Variants in CHD9 observed in about 807,000 individuals in gnomAD.
The protein encoded by CHD9 is ATP-dependent chromatin remodeler CHD9.
A neutral mutation model predicts 316.1 loss-of-function variants in CHD9; 77 were observed. The observed-to-expected ratio is 0.24, with a 90% CI of 0.20 to 0.29. The LOEUF is 0.29. Among genes scored for constraint, CHD9 ranks in the 10% least tolerant of loss-of-function variants. The pLI, the probability that CHD9 is intolerant of heterozygous loss-of-function variation, is 1.00. For synonymous variants in CHD9, 1,129 were observed against 1,158.3 expected, an observed-to-expected ratio of 0.97 and a Z score of 0.51; for missense variants, 2,763 against 3,438.1, an observed-to-expected ratio of 0.80 and a Z score of 4.91.
chr16:53,297,035 T>G lies in CHD9; in HGVS notation c.5590T>G (p.Phe1864Val). The G allele has an allele frequency of 1.2e-6, 2 of 1,605,232 alleles. No homozygotes were observed. Among genetic ancestry groups the G allele is most frequent in the Non-Finnish European group, 1.7e-6 (2 of 1,175,240 alleles). ...GGTTTTTGACCCTGACAGAGGCCAA[T>G]TTGATTGGACAAAATTTAGAGCTAT... is the stretch of plus-strand genomic sequence containing the variant. ...GVVFDPDRGQ[F>V]DWTKFRAMAR... Residue 1864 changes from phenylalanine to valine, a missense_variant, in exon 30 of 39, where the codon TTT (phenylalanine) becomes GTT (valine). By Grantham distance (50) the Phe-to-Val change is conservative. This residue lies in a region of CHD9 where 183 missense variants were observed against 258.5 expected (regional missense o/e 0.71). Transcript: ENST00000447540.
intron 1 of CHD9, among the ~76,000 whole-genome samples, chr16:53,132,896 C>T (rs191591167): frequency 1.4e-3 from 195 of 144,178 alleles, no homozygotes; most frequent in African/African-American, 4.8e-3. Context: ...GCAACCTCTT[C>T]CTCCCAGGTT....
At chr16:53,312,093 G>C (rs920406725) in intron 34 of CHD9, 3 of 152,152 alleles carry the variant, frequency 2.0e-5, no homozygotes, top group Non-Finnish European at 4.4e-5. Flanking sequence ...TGAAGAGTTA[G>C]TCAAATAGAA....
intron 1 of CHD9, among the ~76,000 whole-genome samples, chr16:53,124,690 G>T (rs544554897): frequency 2.0e-5 from 3 of 152,064 alleles, no homozygotes; most frequent in African/African-American, 7.2e-5. Flanking sequence ...ATGTTGGCTA[G>T]GTTGGTCTTG....
At position 53,249,909 on chromosome 16, in the gene CHD9, A is replaced by G; in HGVS notation, c.3704A>G (p.Asn1235Ser). The G allele has an allele frequency of 1.2e-6, 2 of 1,613,874 alleles. No individual in the cohort carries two copies. The highest frequency in any genetic ancestry group is 1.7e-6 in the Non-Finnish European group (2 of 1,179,810). ...YERIDGRVRG[N>S]LRQAAIDRFS... ...CGAATTGATGGCAGAGTCAGAGGAA[A>G]TCTTCGGCAAGCTGCTATAGATAGA... is the stretch of plus-strand genomic sequence containing the variant. Residue 1235 changes from asparagine (N) to serine (S), a missense_variant, in exon 17 of 39, where the codon AAT (asparagine) becomes AGT (serine). Transcript: ENST00000447540.
At position 53,303,907 on chromosome 16, in the gene CHD9, T is replaced by C. The variant is rs549091204; in HGVS notation, c.5901T>C (p.Asp1967=). The part of the protein sequence containing the change: ...LPVWWECGPH[D]RDLLIGAAKH... ...TCTGGTGGGAATGTGGCCCTCATGA[T>C]AGGGATTTGCTTATTGGTGCTGCCA... The change falls in exon 31 of 39, where the codon GAT becomes GAC. Residue 1967 remains aspartate, a synonymous_variant. Transcript: ENST00000447540. 7.9e-5 allele frequency: 128 copies of C among 1,613,976 alleles called. 1 individual carries two copies. In the South Asian group the frequency reaches 1.2e-3, roughly 15 times the overall value.
rs2041539556 is a variant in CHD9 at position 53,156,609 on chromosome 16, T to C, written c.520T>C (p.Cys174Arg). The change falls in exon 2 of 39, where the codon TGT becomes CGT. Residue 174 changes from cysteine (C) to arginine (R), a missense_variant. Around this residue, in one of 15 missense-constraint regions of CHD9, gnomAD observed 859 missense variants for 890.4 expected, o/e 0.96. Coordinates refer to ENST00000447540, the MANE Select transcript of CHD9 (RefSeq NM_001308319.2). ...LFQANEQQTQ[C>R]TSLRSQQNRN... is the part of the protein sequence containing the mutation. ...TCAGGCCAATGAACAACAAACACAGTGTACTTCACTACGCTCACAACAAAA... is the reference window on the plus strand; with the variant it reads ...TCAGGCCAATGAACAACAAACACAGCGTACTTCACTACGCTCACAACAAAA... 1 of 1,613,966 alleles carries C rather than the reference T, an allele frequency of 6.2e-7. No individual in the cohort carries two copies. Among genetic ancestry groups the C allele is most frequent in the Non-Finnish European group, 8.5e-7 (1 of 1,179,882 alleles).
At chr16:53,254,374 A>T (rs890566141) in intron 17 of CHD9, 64 bp from the exon 18 acceptor site, 1 of 1,226,520 alleles carries the variant, frequency 8.2e-7, no homozygotes, top group Non-Finnish European at 1.1e-6. Context: ...TATGCCATAC[A>T]TATAGTTTAC....
intron 1 of CHD9, among the ~76,000 whole-genome samples, chr16:53,105,229 C>T (rs1348774085): frequency 2.0e-5 from 3 of 151,836 alleles, no homozygotes; most frequent in African/African-American, 7.3e-5. Flanking sequence ...AGGTGTCTCC[C>T]CCAAACCCTG....
intron 4 of CHD9, among the ~76,000 whole-genome samples, chr16:53,224,503 G>A (rs1409513141): frequency 6.6e-6 from 1 of 152,128 alleles, no homozygotes; most frequent in Non-Finnish European, 1.5e-5. Context: ...TTTACAATAA[G>A]TAGCCTTCAT....
At chr16:53,237,873 A>G (rs1232907594) in intron 11 of CHD9, among the ~76,000 whole-genome samples, 1 of 152,028 alleles carries the variant, frequency 6.6e-6, no homozygotes, top group African/African-American at 2.4e-5. Context: ...TCTGATGTGC[A>G]GCCACAATTG....
chr16:53,117,278 C>G (rs1301367984), intron 1 of CHD9, among the ~76,000 whole-genome samples: 2 of 151,920 alleles, frequency 1.3e-5, no homozygotes, highest in African/African-American at 4.8e-5. Context: ...TGTATGACAC[C>G]ATGATAAACA....
intron 17 of CHD9, among the ~76,000 whole-genome samples, chr16:53,252,876 A>G (rs2050244023): frequency 6.6e-6 from 1 of 152,204 alleles, no homozygotes; most frequent in Non-Finnish European, 1.5e-5. Flanking sequence ...AAGAATGGCC[A>G]TAATCAAAAA....
intron 1 of CHD9, among the ~76,000 whole-genome samples, chr16:53,145,716 A>T (rs931781306): frequency 1.8e-4 from 28 of 151,972 alleles, no homozygotes; most frequent in African/African-American, 6.3e-4. Flanking sequence ...CAAAAAAAAA[A>T]TTGGGTCACA....
intron 17 of CHD9, among the ~76,000 whole-genome samples, chr16:53,253,263 A>G (rs994103519): frequency 1.3e-5 from 2 of 152,112 alleles, no homozygotes; most frequent in African/African-American, 4.8e-5. Context: ...CTGCACAGCC[A>G]TAAAAAACAA....
chr16:53,227,433 A>T lies in CHD9; in HGVS notation c.2081A>T (p.Lys694Ile). ...GAAGAAGATGCTGCAATTGTAGACAAAATTCTATCTTCTAGAACCGTAAAA... is the reference window on the plus strand; with the variant it reads ...GAAGAAGATGCTGCAATTGTAGACATAATTCTATCTTCTAGAACCGTAAAA... ...PSEEDAAIVD[K>I]ILSSRTVKKE... is the part of the protein sequence containing the mutation. The change falls in exon 6 of 39, where the codon AAA becomes ATA. Residue 694 changes from lysine to isoleucine, a missense_variant. Physicochemically the swap from Lys to Ile is moderately radical, Grantham distance 102. Transcript: ENST00000447540. 6.4e-7 allele frequency: 1 copy of T among 1,572,106 alleles called. No individual in the cohort carries two copies. Among genetic ancestry groups the T allele is most frequent in the South Asian group, 1.2e-5 (1 of 84,632 alleles).
chr16:53,277,357 A>C (rs1048116147), intron 24 of CHD9, among the ~76,000 whole-genome samples: 3 of 152,222 alleles, frequency 2.0e-5, no homozygotes, highest in African/African-American at 4.8e-5. Flanking sequence ...AAAAATCCTT[A>C]ACAGAATACT....
chr16:53,134,548 T>C (rs1301857966), intron 1 of CHD9, among the ~76,000 whole-genome samples: 1 of 152,228 alleles, frequency 6.6e-6, no homozygotes, highest in African/African-American at 2.4e-5. Flanking sequence ...AAATCGTATC[T>C]TGTCCTTGTA....
Position 53,209,577 on chromosome 16 carries a change from G to A in CHD9, c.1548G>A (p.Lys516=). The change falls in exon 3 of 39, where the codon AAG becomes AAA. Residue 516 remains lysine (K), a synonymous_variant. Transcript: ENST00000447540. ...RVMSEKKQRK[K]VESESKQEKA... ...TGTCTGAGAAGAAGCAGAGAAAAAA[G>A]GTGGAATCAGAAAGCAAGCAAGAAA... 6.2e-7 allele frequency: 1 copy of A among 1,613,802 alleles called. No individual in the cohort carries two copies. The highest frequency in any genetic ancestry group is 8.5e-7 in the Non-Finnish European group (1 of 1,179,786).
chr16:53,228,569 C>CT (rs2047876569), intron 7 of CHD9, among the ~76,000 whole-genome samples: 1 of 121,906 alleles, frequency 8.2e-6, no homozygotes, highest in South Asian at 2.8e-4. Flanking sequence ...GAGACGGAGT[C>CT]TCGCTCTGTC....
Sources: allele counts gnomAD v4.1 joint callset (sites outside exome capture counted in the v4.1 genomes callset), GRCh38; gene constraint gnomAD v4.1.1; regional missense constraint gnomAD v4.1.1; transcripts MANE v1.5; gene names NCBI Gene and HGNC (gene_info 2026-07-23, HGNC 2026-07-21).